The following CLEC2A variants were observed in gnomAD, a reference collection of about 807,000 sequenced individuals.
CLEC2A encodes C-type lectin domain family 2 member A.
In CLEC2A, 19 loss-of-function variants were observed where a neutral mutation model predicts 18.6. That is an observed-to-expected ratio of 1.02 (90% CI 0.71 to 1.50). The LOEUF is 1.50. Ranked by LOEUF, CLEC2A falls within the 40% of genes most tolerant of loss-of-function variation. The pLI is 0.00. For synonymous variants in CLEC2A, 74 were observed against 64.0 expected, an observed-to-expected ratio of 1.16 and a Z score of -0.75; for missense variants, 190 against 207.9, an observed-to-expected ratio of 0.91 and a Z score of 0.53.
At chr12:9,919,308 C>T (rs1863123883) in intron 3 of CLEC2A, among the ~76,000 whole-genome samples, 1 of 152,206 alleles carries the variant, frequency 6.6e-6, no homozygotes. Flanking sequence ...TGCAAGTAAG[C>T]AATCATTCAG....
intron 1 of CLEC2A, among the ~76,000 whole-genome samples, chr12:9,928,135 A>G (rs1205050378): frequency 6.6e-6 from 1 of 152,196 alleles, no homozygotes; most frequent in African/African-American, 2.4e-5. Context: ...GAGAAAGTAC[A>G]GTGTAAAATT....
the CLEC2A span, among the ~76,000 whole-genome samples, chr12:9,886,752 C>T: frequency 1.3e-3 from 177 of 139,656 alleles, no homozygotes; most frequent in African/African-American, 4.6e-3. Flanking sequence ...GGATTTTGCC[C>T]CTATATCATG....
intron 4 of CLEC2A, among the ~76,000 whole-genome samples, chr12:9,900,218 A>C (rs572414726): frequency 6.6e-6 from 1 of 152,178 alleles, no homozygotes; most frequent in Non-Finnish European, 1.5e-5. Flanking sequence ...GCTCAAAACT[A>C]TAACATTGAT....
intron 4 of CLEC2A, among the ~76,000 whole-genome samples, chr12:9,915,576 T>A (rs1012142562): frequency 2.6e-5 from 4 of 152,054 alleles, no homozygotes; most frequent in Non-Finnish European, 5.9e-5. Context: ...ATCTGGAAAC[T>A]GTCATCCTCA....
chr12:9,903,687 G>A (rs1862867116), intron 4 of CLEC2A, among the ~76,000 whole-genome samples: 1 of 152,106 alleles, frequency 6.6e-6, no homozygotes, highest in Non-Finnish European at 1.5e-5. Context: ...TCATTTAATA[G>A]CATCTTTAGT....
chr12:9,920,568 G>T (rs1863153427), intron 3 of CLEC2A, among the ~76,000 whole-genome samples: 1 of 152,094 alleles, frequency 6.6e-6, no homozygotes, highest in South Asian at 2.1e-4. Flanking sequence ...ATTGTCTATG[G>T]GTTGAGTTGT....
chr12:9,921,105 C>T (rs1417071463), intron 3 of CLEC2A, among the ~76,000 whole-genome samples: 2 of 152,138 alleles, frequency 1.3e-5, no homozygotes, highest in African/African-American at 2.4e-5. Flanking sequence ...TGACTTTCCT[C>T]ATCTTTAAAG....
chr12:9,924,901 A>G (rs1432693190), intron 2 of CLEC2A, among the ~76,000 whole-genome samples: 8 of 152,224 alleles, frequency 5.3e-5, no homozygotes, highest in Admixed American at 3.3e-4. Context: ...ACCTTTGTGA[A>G]AGATATCTTC....
At chr12:9,896,527 T>C (rs1200567673), downstream of CLEC2A, among the ~76,000 whole-genome samples, 1 of 152,138 alleles carries the variant, frequency 6.6e-6, no homozygotes. Context: ...TAACACTGCC[T>C]ATTCTTTTTC....
chr12:9,923,953 G>A (rs1863219814), intron 2 of CLEC2A, among the ~76,000 whole-genome samples: 2 of 151,936 alleles, frequency 1.3e-5, no homozygotes, highest in Middle Eastern at 3.4e-3. Context: ...GGGAGGGATA[G>A]CCCCCCTGTC....
chr12:9,919,276 T>C (rs1863123211), intron 3 of CLEC2A, among the ~76,000 whole-genome samples: 1 of 152,240 alleles, frequency 6.6e-6, no homozygotes. Flanking sequence ...GCTTTTCTCC[T>C]GGGAGCTTCA....
At chr12:9,877,846 C>T in the CLEC2A span, among the ~76,000 whole-genome samples, 89 of 151,890 alleles carry the variant, frequency 5.9e-4, no homozygotes, top group Admixed American at 2.5e-3. Context: ...AATCAATATA[C>T]GAATGAATAT....
downstream of CLEC2A, among the ~76,000 whole-genome samples, chr12:9,898,497 C>G (rs1245027976): frequency 6.6e-6 from 1 of 152,224 alleles, no homozygotes; most frequent in African/African-American, 2.4e-5. Context: ...CTCTCCTTGA[C>G]TACTGCACCC....
chr12:9,927,465 T>TTA (rs202226059), intron 1 of CLEC2A, among the ~76,000 whole-genome samples: 6,676 of 152,264 alleles, frequency 0.044, 225 homozygotes, highest in Non-Finnish European at 0.062. Context: ...TAAACACAGA[T>TTA]TATATATATG....
At chr12:9,915,665 G>A (rs1863058948) in intron 4 of CLEC2A, among the ~76,000 whole-genome samples, 1 of 152,102 alleles carries the variant, frequency 6.6e-6, no homozygotes, top group South Asian at 2.1e-4. Flanking sequence ...AGAACACATG[G>A]ACACAGAAAG....
the CLEC2A span, among the ~76,000 whole-genome samples, chr12:9,890,807 T>C: frequency 1.0e-3 from 157 of 152,340 alleles, no homozygotes; most frequent in African/African-American, 3.7e-3. Context: ...CCCATAGTTA[T>C]GAAGAAATTA....
intron 2 of CLEC2A, among the ~76,000 whole-genome samples, chr12:9,922,790 C>T (rs1863195383): frequency 1.3e-5 from 2 of 152,124 alleles, no homozygotes; most frequent in African/African-American, 2.4e-5. Flanking sequence ...TATTTAGGTG[C>T]TAAGTATTCA....
the CLEC2A span, chr12:9,888,734 T>TA: frequency 1.3e-5 from 19 of 1,487,116 alleles, no homozygotes; most frequent in Admixed American, 3.9e-5. Context: ...TGAGTACAGA[T>TA]AAAAAAATGG....
At chr12:9,897,840 T>G (rs1342183668), downstream of CLEC2A, among the ~76,000 whole-genome samples, 3 of 152,214 alleles carry the variant, frequency 2.0e-5, no homozygotes, top group Admixed American at 2.0e-4. Flanking sequence ...GATCTGCCCT[T>G]ATCTGCCTAC....
Sources: gnomAD v4.1 joint callset for allele counts (sites outside exome capture counted in the v4.1 genomes callset) on GRCh38, gnomAD v4.1.1 for gene constraint, MANE v1.5 for transcripts, NCBI Gene and HGNC (gene_info 2026-07-23, HGNC 2026-07-21) for gene names.